DNAJC15: variants seen among roughly 807,000 people sequenced by gnomAD.
DNAJC15 encodes the protein dnaJ homolog subfamily C member 15.
In DNAJC15, 27 loss-of-function variants were observed where a neutral mutation model predicts 22.4. The ratio of observed to expected loss-of-function variants is 1.20; its 90% CI spans 0.89 to 1.66. DNAJC15 has a LOEUF of 1.66. DNAJC15 is among the 40% of genes most tolerant of loss of function. DNAJC15 has a pLI of 0.00. For synonymous variants in DNAJC15, 79 were observed against 63.2 expected (o/e 1.25, Z -1.19); for missense variants, 208 against 187.1 (o/e 1.11, Z -0.65).
chr13:43,085,551 A>T (rs1163684253), intron 4 of DNAJC15, among the ~76,000 whole-genome samples: 1 of 152,178 alleles, frequency 6.6e-6, no homozygotes, highest in African/African-American at 2.4e-5. Flanking sequence ...GAGAATAAGG[A>T]TTGGCATTAC....
chr13:43,094,717 GCC>G (rs1007682824), intron 5 of DNAJC15, among the ~76,000 whole-genome samples: 17 of 152,006 alleles, frequency 1.1e-4, no homozygotes, highest in African/African-American at 4.1e-4. Context: ...TTTCAAACTT[GCC>G]TTTTTCAGTT....
At chr13:43,048,983 A>T (rs2040490723) in intron 1 of DNAJC15, among the ~76,000 whole-genome samples, 1 of 142,734 alleles carries the variant, frequency 7.0e-6, no homozygotes, top group African/African-American at 2.4e-5. Context: ...ATTAAAAAAA[A>T]AGCCTCATAT....
At chr13:43,100,995 T>G (rs1200922854) in intron 5 of DNAJC15, among the ~76,000 whole-genome samples, 1 of 152,220 alleles carries the variant, frequency 6.6e-6, no homozygotes, top group Non-Finnish European at 1.5e-5. Context: ...CCGTTTTTCA[T>G]TATGGAATGC....
At chr13:43,082,857 T>TATATATATATATATATAC (rs144193543) in intron 4 of DNAJC15, among the ~76,000 whole-genome samples, 15 of 149,574 alleles carry the variant, frequency 1.0e-4, no homozygotes, top group South Asian at 4.2e-4. Context: ...TATATATATA[T>TATATATATATATATATAC]ATACACACAT....
chr13:43,092,747 A>G (rs1358201625), intron 5 of DNAJC15, among the ~76,000 whole-genome samples: 1 of 152,176 alleles, frequency 6.6e-6, no homozygotes, highest in Non-Finnish European at 1.5e-5. Flanking sequence ...CCCTTTCTCC[A>G]GTAAAAATTT....
Position 43,108,458 on chromosome 13 carries a change from T to C in DNAJC15, c.*1210T>C, listed in dbSNP as rs1217609665. On this transcript the variant is annotated 3_prime_UTR_variant, in exon 6 of 6. Coordinates refer to ENST00000379221, the MANE Select transcript of DNAJC15 (RefSeq NM_013238.3). ...AACAGATTCAGATAGAGTGCCAGCATTGTTTCCCAGTATTCCTTTACAAAT... is the reference window on the plus strand; with the variant it reads ...AACAGATTCAGATAGAGTGCCAGCACTGTTTCCCAGTATTCCTTTACAAAT... 1.3e-5 allele frequency: 2 copies of C among 152,196 alleles called. No individual in the cohort carries two copies. Among genetic ancestry groups the C allele is most frequent in the Admixed American group, 1.3e-4 (2 of 15,280 alleles). 9.4% of individuals were successfully genotyped at this position (152,196 alleles called of 1,614,324 possible). A position where few individuals can be genotyped will look rare whatever the true frequency, so the allele number is the denominator to read the frequency against.
At chr13:43,063,986 A>G (rs1032418655) in intron 1 of DNAJC15, among the ~76,000 whole-genome samples, 1 of 152,242 alleles carries the variant, frequency 6.6e-6, no homozygotes, top group Non-Finnish European at 1.5e-5. Context: ...TACGTCTTCT[A>G]TTCAGGAATA....
At chr13:43,083,703 A>T (rs2153441517) in intron 4 of DNAJC15, among the ~76,000 whole-genome samples, 1 of 152,270 alleles carries the variant, frequency 6.6e-6, no homozygotes, top group South Asian at 2.1e-4. Flanking sequence ...TTTGTTTCTT[A>T]ATAGGCAGTT....
At chr13:43,063,774 G>A (rs183363121) in intron 1 of DNAJC15, among the ~76,000 whole-genome samples, 81 of 152,306 alleles carry the variant, frequency 5.3e-4, no homozygotes, top group Middle Eastern at 3.4e-3. Flanking sequence ...TTAAGAGCAG[G>A]TAGGATTTGG....
At chr13:43,072,315 G>GT (rs2040612870) in intron 3 of DNAJC15, among the ~76,000 whole-genome samples, 1 of 152,066 alleles carries the variant, frequency 6.6e-6, no homozygotes, top group African/African-American at 2.4e-5. Flanking sequence ...TTTTCTTACA[G>GT]TTTTTTCTTT....
At chr13:43,062,290 AG>A (rs1047821073) in intron 1 of DNAJC15, among the ~76,000 whole-genome samples, 4 of 152,344 alleles carry the variant, frequency 2.6e-5, no homozygotes, top group African/African-American at 9.6e-5. Flanking sequence ...AAAAGAAACA[AG>A]GCAGGTAAGA....
intron 5 of DNAJC15, among the ~76,000 whole-genome samples, chr13:43,089,078 G>A (rs1011140480): frequency 1.3e-5 from 2 of 152,024 alleles, no homozygotes; most frequent in African/African-American, 4.8e-5. Flanking sequence ...CTCTAAATTC[G>A]TAAGTTTTTT....
intron 1 of DNAJC15, among the ~76,000 whole-genome samples, chr13:43,053,188 C>G (rs550634595): frequency 6.6e-6 from 1 of 152,160 alleles, no homozygotes; most frequent in Admixed American, 6.5e-5. Flanking sequence ...TTTTTATTTG[C>G]TTTGTGGAAG....
chr13:43,051,661 GTA>G lies in DNAJC15; in HGVS notation c.109-14017_109-14016del, dbSNP rs1555274771. 5.1e-3 allele frequency among the ~76,000 whole-genome samples: 393 copies of G among 77,786 alleles called. 1 individual carries two copies. Among genetic ancestry groups the G allele is most frequent in the South Asian group, 0.011 (13 of 1,170 alleles). 51.0% of individuals were successfully genotyped at this position (77,786 alleles called of 152,430 possible). ...TGTGTGTGTGTGTGTGTGTGTGTGT[GTA>G]TATATATCACATTTTCTTTATCCGC... On this transcript the variant is annotated intron_variant, in intron 1 of 5. Coordinates refer to ENST00000379221, the MANE Select transcript of DNAJC15 (RefSeq NM_013238.3).
At chr13:43,031,683 C>T (rs1167751682) in intron 1 of DNAJC15, among the ~76,000 whole-genome samples, 1 of 152,150 alleles carries the variant, frequency 6.6e-6, no homozygotes, top group Non-Finnish European at 1.5e-5. Context: ...AATATTATAA[C>T]CCTCTACTTG....
At chr13:43,038,935 T>C (rs2040441110) in intron 1 of DNAJC15, among the ~76,000 whole-genome samples, 1 of 152,196 alleles carries the variant, frequency 6.6e-6, no homozygotes, top group African/African-American at 2.4e-5. Context: ...AATGACACTG[T>C]ATTCTCTAGA....
intron 5 of DNAJC15, among the ~76,000 whole-genome samples, chr13:43,088,069 G>A (rs537887683): frequency 6.6e-6 from 1 of 152,230 alleles, no homozygotes; most frequent in Admixed American, 6.5e-5. Flanking sequence ...GAATATAGAA[G>A]GGGAGAGGAC....
At chr13:43,086,731 G>C (rs879052) in intron 5 of DNAJC15, among the ~76,000 whole-genome samples, 1 of 151,978 alleles carries the variant, frequency 6.6e-6, no homozygotes, top group African/African-American at 2.4e-5. Context: ...TTTTGCTAAA[G>C]ATTTCTAAAC....
chr13:43,059,076 GGT>G (rs2040544639), intron 1 of DNAJC15, among the ~76,000 whole-genome samples: 1 of 152,108 alleles, frequency 6.6e-6, no homozygotes, highest in Admixed American at 6.5e-5. Context: ...AAAAGTTCAC[GGT>G]GTGAGTCTCC....
Sources: gnomAD v4.1 joint callset for allele counts (sites outside exome capture counted in the v4.1 genomes callset) on GRCh38, gnomAD v4.1.1 for gene constraint, MANE v1.5 for transcripts, NCBI Gene and HGNC (gene_info 2026-07-23, HGNC 2026-07-21) for gene names.